The following NLGN1 variants were observed in gnomAD, a reference collection of about 807,000 sequenced individuals.
NLGN1 encodes neuroligin 1, also known as neuroligin-1.
In NLGN1, 12 loss-of-function variants were observed where a neutral mutation model predicts 65.5. The observed-to-expected ratio is 0.18, with a 90% CI of 0.12 to 0.30. The LOEUF is 0.30. Among genes scored for constraint, NLGN1 ranks in the 10% least tolerant of loss-of-function variants. The pLI is 1.00. For missense variants in NLGN1, 750 were observed against 1,007.1 expected (o/e 0.74, Z 3.46); for synonymous variants, 350 against 359.5 (o/e 0.97, Z 0.30).
intron 3 of NLGN1, among the ~76,000 whole-genome samples, chr3:173,679,368 T>G (rs1763617959): frequency 6.6e-6 from 1 of 151,986 alleles, no homozygotes; most frequent in Non-Finnish European, 1.5e-5. Flanking sequence ...TGAAATAGCG[T>G]AAAGATTTTA....
chr3:174,001,274 G>C (rs1424004350), intron 4 of NLGN1, among the ~76,000 whole-genome samples: 1 of 152,006 alleles, frequency 6.6e-6, no homozygotes, highest in Non-Finnish European at 1.5e-5. Flanking sequence ...AACACTGAGA[G>C]GGTCAGCGAG....
At chr3:173,914,129 A>G (rs2152235207) in intron 4 of NLGN1, among the ~76,000 whole-genome samples, 1 of 152,254 alleles carries the variant, frequency 6.6e-6, no homozygotes, top group East Asian at 1.9e-4. Context: ...CTGCCTCCCT[A>G]GGTACTCCAA....
intron 1 of NLGN1, among the ~76,000 whole-genome samples, chr3:173,424,124 GC>G (rs1411189637): frequency 6.6e-6 from 1 of 152,148 alleles, no homozygotes; most frequent in Admixed American, 6.5e-5. Flanking sequence ...TGTAACCTTG[GC>G]CCCTTTTAGC....
chr3:174,024,667 C>T, intron 4 of NLGN1, among the ~76,000 whole-genome samples: 1 of 152,256 alleles, frequency 6.6e-6, no homozygotes, highest in South Asian at 2.1e-4. Context: ...GCTCTGAAGT[C>T]TTCTATCCAA....
intron 4 of NLGN1, among the ~76,000 whole-genome samples, chr3:174,205,549 G>T (rs993035931): frequency 6.6e-6 from 1 of 152,078 alleles, no homozygotes; most frequent in African/African-American, 2.4e-5. Context: ...TGATTTTGCT[G>T]TCATAGTATC....
At chr3:173,555,359 T>C (rs1289935067) in intron 2 of NLGN1, among the ~76,000 whole-genome samples, 1 of 152,258 alleles carries the variant, frequency 6.6e-6, no homozygotes, top group East Asian at 1.9e-4. Context: ...ATCTTTCTTA[T>C]GTGGTTCCAT....
intron 3 of NLGN1, among the ~76,000 whole-genome samples, chr3:173,649,752 A>T (rs1313652074): frequency 6.6e-6 from 1 of 152,176 alleles, no homozygotes; most frequent in African/African-American, 2.4e-5. Flanking sequence ...CTAAAAGAAT[A>T]TCATAAAAGT....
chr3:173,734,603 A>G (rs138168621), intron 3 of NLGN1, among the ~76,000 whole-genome samples: 1 of 151,176 alleles, frequency 6.6e-6, no homozygotes, highest in Admixed American at 6.6e-5. Context: ...AGGTTTCACT[A>G]TGTTGTCTAG....
intron 4 of NLGN1, among the ~76,000 whole-genome samples, chr3:173,956,055 A>C (rs1711951259): frequency 6.6e-6 from 1 of 152,172 alleles, no homozygotes; most frequent in Non-Finnish European, 1.5e-5. Context: ...TTTATACAAT[A>C]AGCTTTCGTA....
intron 4 of NLGN1, among the ~76,000 whole-genome samples, chr3:173,981,613 G>A (rs113680541): frequency 6.6e-6 from 1 of 151,940 alleles, no homozygotes; most frequent in Non-Finnish European, 1.5e-5. Context: ...GCTATGTAAG[G>A]CCATGTTGTG....
At chr3:174,263,780 G>A (rs1474236818) in intron 4 of NLGN1, among the ~76,000 whole-genome samples, 1 of 151,870 alleles carries the variant, frequency 6.6e-6, no homozygotes, top group Non-Finnish European at 1.5e-5. Flanking sequence ...TCCTAGTCTT[G>A]ATGGTCTTTA....
At chr3:173,636,949 G>A (rs1318619569) in intron 3 of NLGN1, among the ~76,000 whole-genome samples, 3 of 152,110 alleles carry the variant, frequency 2.0e-5, no homozygotes, top group Admixed American at 6.6e-5. Context: ...GCTTAAGCTA[G>A]TGTGAAAAAT....
At chr3:174,032,330 T>G (rs1357361287) in intron 4 of NLGN1, among the ~76,000 whole-genome samples, 2 of 152,200 alleles carry the variant, frequency 1.3e-5, no homozygotes, top group African/African-American at 4.8e-5. Context: ...TGAAAAATAC[T>G]AGACCACACA....
At chr3:174,224,013 C>T (rs1422590179) in intron 4 of NLGN1, among the ~76,000 whole-genome samples, 1 of 152,196 alleles carries the variant, frequency 6.6e-6, no homozygotes, top group Non-Finnish European at 1.5e-5. Flanking sequence ...CATCCTGCTT[C>T]ATGAACTATT....
chr3:174,240,994 A>AC (rs1742694744), intron 4 of NLGN1, among the ~76,000 whole-genome samples: 1 of 152,122 alleles, frequency 6.6e-6, no homozygotes, highest in Non-Finnish European at 1.5e-5. Context: ...TACCATTGAG[A>AC]TGGCCTCTTG....
At chr3:173,454,409 G>A (rs1009623949) in intron 2 of NLGN1, among the ~76,000 whole-genome samples, 1 of 152,172 alleles carries the variant, frequency 6.6e-6, no homozygotes, top group Non-Finnish European at 1.5e-5. Flanking sequence ...TTCTAGCTAT[G>A]AAATTCCTAG....
intron 4 of NLGN1, among the ~76,000 whole-genome samples, chr3:173,873,090 ATT>A (rs71702635): frequency 1.1e-4 from 16 of 141,250 alleles, no homozygotes; most frequent in African/African-American, 1.8e-4. Context: ...TGTATGATGG[ATT>A]TTTTTTTTTT....
chr3:173,421,975 A>G (rs1268562306), intron 1 of NLGN1, among the ~76,000 whole-genome samples: 1 of 152,148 alleles, frequency 6.6e-6, no homozygotes, highest in Non-Finnish European at 1.5e-5. Context: ...TAATATTTTG[A>G]TACATATATA....
intron 3 of NLGN1, among the ~76,000 whole-genome samples, chr3:173,806,033 C>T (rs1716568396): frequency 6.6e-6 from 1 of 152,202 alleles, no homozygotes; most frequent in African/African-American, 2.4e-5. Flanking sequence ...TCAAAGTATC[C>T]TTCCCTCACT....
Sources: gnomAD v4.1 joint callset for allele counts (sites outside exome capture counted in the v4.1 genomes callset) on GRCh38, gnomAD v4.1.1 for gene constraint, MANE v1.5 for transcripts, NCBI Gene and HGNC (gene_info 2026-07-23, HGNC 2026-07-21) for gene names.